Variants in FRAS1 observed in about 807,000 individuals in gnomAD.
The protein encoded by FRAS1 is extracellular matrix organizing protein FRAS1.
In FRAS1, 290 loss-of-function variants were observed where a neutral mutation model predicts 435.2. The observed-to-expected ratio is 0.67, with a 90% CI of 0.61 to 0.73. The LOEUF is 0.73. Ranked by LOEUF, FRAS1 falls within the 30% of genes least tolerant of loss-of-function variation. FRAS1 has a pLI of 0.00. For synonymous variants in FRAS1, 1,800 were observed against 1,851.0 expected (o/e 0.97, Z 0.71); for missense variants, 4,860 against 5,001.5 (o/e 0.97, Z 0.85).
At chr4:78,176,795 A>G (rs563069400) in intron 2 of FRAS1, among the ~76,000 whole-genome samples, 14 of 152,368 alleles carry the variant, frequency 9.2e-5, no homozygotes, top group Non-Finnish European at 2.9e-5. Context: ...AGTTGTTGGT[A>G]AAAATGTTAA....
chr4:78,400,467 A>C (rs1392433052), intron 29 of FRAS1, among the ~76,000 whole-genome samples: 1 of 152,204 alleles, frequency 6.6e-6, no homozygotes, highest in African/African-American at 2.4e-5. Flanking sequence ...AGATGAAAGA[A>C]AGAAATGGAG....
intron 15 of FRAS1, among the ~76,000 whole-genome samples, chr4:78,314,354 T>A (rs1729151739): frequency 6.6e-6 from 1 of 152,082 alleles, no homozygotes; most frequent in Non-Finnish European, 1.5e-5. Flanking sequence ...ACATCACTTG[T>A]CCCCCAAGAC....
chr4:78,541,909 T>C lies in FRAS1; in HGVS notation c.*785T>C, dbSNP rs564650729. 7.9e-5 allele frequency: 12 copies of C among 152,296 alleles called. No homozygotes were observed. The South Asian group carries it at 2.3e-3, about 29-fold the overall frequency. The allele number at this position is 152,296 out of a possible 1,614,324, so 9.4% of individuals were successfully genotyped here. A position where few individuals can be genotyped will look rare whatever the true frequency, so the allele number is the denominator to read the frequency against. Reference sequence around the variant, plus strand: ...AACTAGTTTATGTGGCACTGAGACATCCATCCCTGACCAAGGATGCTGCGA... The same window carrying C: ...AACTAGTTTATGTGGCACTGAGACACCCATCCCTGACCAAGGATGCTGCGA... On this transcript the variant is annotated 3_prime_UTR_variant, in exon 74 of 74. Transcript: ENST00000512123.
Position 78,057,984 on chromosome 4 carries a change from C to A in FRAS1, c.-26C>A, listed in dbSNP as rs1247040674. The A allele has an allele frequency of 1.9e-6, 3 of 1,611,682 alleles. No homozygotes were observed. Among genetic ancestry groups the A allele is most frequent in the Non-Finnish European group, 2.5e-6 (3 of 1,177,922 alleles). The stretch of plus-strand genomic sequence containing the variant: ...CTTCTTGGATGCTGAAGGCTGGGCT[C>A]CTCCATCGTGGGTGCCGAGGCGGCG... On this transcript the variant is annotated 5_prime_UTR_variant, in exon 1 of 74. Coordinates refer to ENST00000512123, the MANE Select transcript of FRAS1 (RefSeq NM_025074.7). The surrounding 1 kb of genome is among the most constrained non-coding windows in gnomAD (Gnocchi z 4.2).
intron 2 of FRAS1, among the ~76,000 whole-genome samples, chr4:78,127,239 T>C (rs942708191): frequency 6.6e-6 from 1 of 152,086 alleles, no homozygotes; most frequent in Non-Finnish European, 1.5e-5. Context: ...CAGAATGGCC[T>C]GAATGTGGAG....
At chr4:78,372,918 C>T (rs1233967026) in intron 24 of FRAS1, 60 bp downstream of exon 24, 9 of 1,546,904 alleles carry the variant, frequency 5.8e-6, no homozygotes, top group Non-Finnish European at 7.0e-6. Flanking sequence ...CTGATTTGTA[C>T]TGTTCTCAGA....
In FRAS1 at chr4:78,413,034, A is replaced by C; in HGVS notation, c.4374A>C (p.Pro1458=). The C allele has an allele frequency of 6.2e-7, 1 of 1,611,550 alleles. No individual in the cohort carries two copies. Residue 1458 remains proline (P), a synonymous_variant, in exon 32 of 74, where the codon CCA becomes CCC. Transcript: ENST00000512123. ...ACATGTTCAACATCGCGATCTTACCACAGACACCTGAAGCACCTAAAGTGT... is the reference window on the plus strand; with the variant it reads ...ACATGTTCAACATCGCGATCTTACCCCAGACACCTGAAGCACCTAAAGTGT... ...ESHMFNIAIL[P]QTPEAPKVSL... is the part of the protein sequence containing the mutation.
chr4:78,210,383 G>A (rs1723452211), intron 2 of FRAS1, among the ~76,000 whole-genome samples: 2 of 152,188 alleles, frequency 1.3e-5, no homozygotes, highest in Admixed American at 6.5e-5. Flanking sequence ...GTGTTTAAAT[G>A]TACTGTTCAT....
chr4:78,111,752 TAAAAAAA>T (rs564909222), intron 2 of FRAS1, among the ~76,000 whole-genome samples: 51 of 105,078 alleles, frequency 4.9e-4, no homozygotes, highest in African/African-American at 1.7e-3. Flanking sequence ...TAGAGTATAA[TAAAAAAA>T]AAAAAAAAAA....
chr4:78,314,547 C>G (rs1216809293), intron 15 of FRAS1, among the ~76,000 whole-genome samples: 2 of 152,178 alleles, frequency 1.3e-5, no homozygotes, highest in Non-Finnish European at 1.5e-5. Flanking sequence ...TTCTTAGATA[C>G]AAATACAGCC....
chr4:78,479,757 C>A, intron 56 of FRAS1, 39 bp downstream of exon 56: 1 of 1,446,722 alleles, frequency 6.9e-7, no homozygotes, highest in Non-Finnish European at 9.3e-7. Flanking sequence ...CACCTGTCTC[C>A]TGATTCCTTT....
rs1164766618 is a variant in FRAS1 at position 78,456,150 on chromosome 4, T to TTTTTC, written c.6763+3800_6763+3801insCTTTT. 4.5e-3 allele frequency among the ~76,000 whole-genome samples: 644 copies of TTTTTC among 141,684 alleles called. 22 individuals are homozygous for TTTTTC. Among genetic ancestry groups the TTTTTC allele is most frequent in the African/African-American group, 0.016 (610 of 37,764 alleles). 93.0% of individuals were successfully genotyped at this position (141,684 alleles called of 152,430 possible). ...AGAACACATGTCACTTTTTTTTTTT[T>TTTTTC]TTTTTTTTTTTGAGACGGAGTCTCA... On this transcript the variant is annotated intron_variant, in intron 47 of 73. Coordinates refer to ENST00000512123, the MANE Select transcript of FRAS1 (RefSeq NM_025074.7).
intron 2 of FRAS1, among the ~76,000 whole-genome samples, chr4:78,173,346 T>C (rs895918802): frequency 3.3e-5 from 5 of 152,210 alleles, no homozygotes; most frequent in South Asian, 2.1e-4. Context: ...CCTTGAAACA[T>C]TGGGATCTAT....
In FRAS1 at chr4:78,338,305, T is replaced by TA. The variant is rs534159633; in HGVS notation, c.2422+499dup. 5.3e-4 allele frequency among the ~76,000 whole-genome samples: 78 copies of TA among 146,266 alleles called. 1 individual carries two copies. The South Asian group carries it at 6.1e-3, about 11-fold the overall frequency. On this transcript the variant is annotated intron_variant, in intron 20 of 73. Transcript: ENST00000512123. Reference sequence around the variant, plus strand: ...TCTTCCTCATTTTAGAACTCAGATCTAAAAAAAAAAATTAGGAAAGCAGTC... The same window carrying TA: ...TCTTCCTCATTTTAGAACTCAGATCTAAAAAAAAAAAATTAGGAAAGCAGTC...
At chr4:78,181,833 T>C (rs1722017957) in intron 2 of FRAS1, 2 of 1,611,966 alleles carry the variant, frequency 1.2e-6, no homozygotes, top group Non-Finnish European at 8.5e-7. Flanking sequence ...TGGGACTCCT[T>C]GCGCAGCTGT....
intron 9 of FRAS1, among the ~76,000 whole-genome samples, chr4:78,267,718 T>G (rs1726438005): frequency 6.6e-6 from 1 of 152,186 alleles, no homozygotes; most frequent in Admixed American, 6.5e-5. Flanking sequence ...TATGGGACAT[T>G]AGCCTATCAG....
intron 2 of FRAS1, chr4:78,181,523 CG>C (rs2110051007): frequency 6.2e-7 from 1 of 1,611,590 alleles, no homozygotes; most frequent in South Asian, 1.1e-5. Context: ...TCCACGTCCA[CG>C]GCCCCCTCGA....
At chr4:78,250,199 A>G (rs1201431083) in intron 4 of FRAS1, among the ~76,000 whole-genome samples, 1 of 152,176 alleles carries the variant, frequency 6.6e-6, no homozygotes, top group Non-Finnish European at 1.5e-5. Flanking sequence ...TACAAGCAGA[A>G]AAAATATCAC....
chr4:78,116,529 A>G (rs1315758737), intron 2 of FRAS1, among the ~76,000 whole-genome samples: 3 of 152,186 alleles, frequency 2.0e-5, no homozygotes, highest in Admixed American at 6.5e-5. Flanking sequence ...TTGGGTTCAT[A>G]TATATTTAGG....
Sources: gnomAD v4.1 joint callset for allele counts (sites outside exome capture counted in the v4.1 genomes callset) on GRCh38, gnomAD v4.1.1 for gene constraint, Gnocchi (gnomAD v3.1) non-coding constraint, MANE v1.5 for transcripts, NCBI Gene and HGNC (gene_info 2026-07-23, HGNC 2026-07-21) for gene names.